DENND6A: variants seen among roughly 807,000 people sequenced by gnomAD.
DENND6A encodes protein DENND6A.
DENND6A carries 43 observed loss-of-function variants against 95.5 expected under a neutral mutation model. That is an observed-to-expected ratio of 0.45 (90% confidence interval 0.35 to 0.58). The LOEUF is 0.58. Among genes scored for constraint, DENND6A ranks in the 20% least tolerant of loss-of-function variants. DENND6A has a pLI of 0.00. For missense variants in DENND6A, 574 were observed against 736.0 expected (o/e 0.78, Z 2.55); for synonymous variants, 257 against 260.4 (o/e 0.99, Z 0.13).
intron 1 of DENND6A, among the ~76,000 whole-genome samples, chr3:57,689,994 T>G (rs1344357800): frequency 6.7e-6 from 1 of 149,674 alleles, no homozygotes; most frequent in African/African-American, 2.5e-5. Flanking sequence ...GAGGTTGTAG[T>G]GAGTTATGAT....
At position 57,684,973 on chromosome 3, in the gene DENND6A, GCA is replaced by G. The variant is rs759938320; in HGVS notation, c.237+7807_237+7808del. ...GGTGGCACACACCTGGAGTGCAATG[GCA>G]CAGTCTCGGCTCACTGCAACCTCCG... On this transcript the variant is annotated intron_variant, in intron 1 of 19. Transcript: ENST00000311128. Among the ~76,000 whole-genome samples the G allele has an allele frequency of 4.1e-4, 63 of 152,224 alleles. 1 individual carries two copies. In the Middle Eastern group the frequency reaches 0.02, roughly 49 times the overall value.
chr3:57,638,966 C>T (rs150961622), intron 12 of DENND6A, among the ~76,000 whole-genome samples: 4 of 152,146 alleles, frequency 2.6e-5, no homozygotes, highest in South Asian at 2.1e-4. Flanking sequence ...GGCGTGGTGG[C>T]GTGCACCTGT....
chr3:57,672,777 C>T (rs7629887), intron 1 of DENND6A, among the ~76,000 whole-genome samples: 5,675 of 151,584 alleles, frequency 0.037, 366 homozygotes, highest in African/African-American at 0.13. Context: ...AGCAAGACCC[C>T]GTCTCAAATC....
chr3:57,642,686 C>T (rs993757592), intron 11 of DENND6A, among the ~76,000 whole-genome samples: 4 of 151,810 alleles, frequency 2.6e-5, no homozygotes, highest in Admixed American at 2.0e-4. Context: ...GGAGGAATGC[C>T]GCATGAAAGA....
intron 5 of DENND6A, among the ~76,000 whole-genome samples, chr3:57,662,228 TCA>T (rs1377924016): frequency 6.9e-6 from 1 of 145,096 alleles, no homozygotes; most frequent in Non-Finnish European, 1.5e-5. Flanking sequence ...TCTCACTCTG[TCA>T]CCCAGGCTGC....
intron 8 of DENND6A, among the ~76,000 whole-genome samples, chr3:57,658,909 T>C (rs1224277574): frequency 6.6e-6 from 1 of 152,162 alleles, no homozygotes; most frequent in African/African-American, 2.4e-5. Flanking sequence ...TTCTGAGTTC[T>C]CCAGTCTCTA....
At chr3:57,671,529 C>CAA (rs903037390) in intron 3 of DENND6A, among the ~76,000 whole-genome samples, 1 of 115,134 alleles carries the variant, frequency 8.7e-6, no homozygotes, top group African/African-American at 3.2e-5. Context: ...GACTCCATCT[C>CAA]AAAAAAAAAA....
intron 1 of DENND6A, among the ~76,000 whole-genome samples, chr3:57,687,864 C>T (rs1249247822): frequency 6.8e-6 from 1 of 148,076 alleles, no homozygotes; most frequent in African/African-American, 2.5e-5. Flanking sequence ...GCCGAGAGTT[C>T]AAGGCTTCAG....
intron 1 of DENND6A, among the ~76,000 whole-genome samples, chr3:57,689,909 T>C (rs557587585): frequency 2.7e-5 from 4 of 148,088 alleles, no homozygotes; most frequent in Admixed American, 1.3e-4. Context: ...ACAAAAAAAA[T>C]TAAAAATAGC....
intron 4 of DENND6A, among the ~76,000 whole-genome samples, chr3:57,664,964 T>C (rs1481795831): frequency 6.6e-6 from 1 of 152,138 alleles, no homozygotes; most frequent in Non-Finnish European, 1.5e-5. Flanking sequence ...GAATTGGGAA[T>C]TGAAGGATGA....
intron 1 of DENND6A, among the ~76,000 whole-genome samples, chr3:57,678,144 C>T (rs989998827): frequency 6.6e-6 from 1 of 152,004 alleles, no homozygotes; most frequent in Admixed American, 6.6e-5. Flanking sequence ...GACTAAATAC[C>T]AAATTCTTTT....
intron 8 of DENND6A, 118 bp from the exon 9 acceptor site, chr3:57,657,853 T>G: frequency 1.0e-5 from 6 of 595,866 alleles, no homozygotes; most frequent in Non-Finnish European, 1.5e-5. Flanking sequence ...TAAGATTCTC[T>G]TCCTTTAGGA....
chr3:57,628,944 T>C (rs541693214), intron 18 of DENND6A, 59 bp from the exon 19 acceptor site: 1 of 1,460,054 alleles, frequency 6.8e-7, no homozygotes, highest in African/African-American at 1.4e-5. Context: ...AACCTCTCTA[T>C]TTCAATAGGT....
intron 11 of DENND6A, 95 bp from the exon 12 acceptor site, chr3:57,641,842 T>A: frequency 1.0e-6 from 1 of 983,788 alleles, no homozygotes; most frequent in Non-Finnish European, 1.5e-6. Context: ...CAATGAACAA[T>A]ACACAGATTG....
At chr3:57,685,289 A>T (rs4434122) in intron 1 of DENND6A, among the ~76,000 whole-genome samples, 25,649 of 151,804 alleles carry the variant, frequency 0.17, 2,719 homozygotes, top group East Asian at 0.48. Context: ...AAGTATCATT[A>T]AAAAAAATTG....
At chr3:57,654,256 G>A (rs1285926090) in intron 9 of DENND6A, among the ~76,000 whole-genome samples, 2 of 151,914 alleles carry the variant, frequency 1.3e-5, no homozygotes, top group Non-Finnish European at 2.9e-5. Flanking sequence ...TGCCCAGCCA[G>A]AAATTCACTT....
At chr3:57,635,653 G>A (rs1375143638) in intron 12 of DENND6A, among the ~76,000 whole-genome samples, 1 of 152,032 alleles carries the variant, frequency 6.6e-6, no homozygotes, top group Non-Finnish European at 1.5e-5. Flanking sequence ...TGCTAATTGT[G>A]GTATATCTGG....
intron 1 of DENND6A, among the ~76,000 whole-genome samples, chr3:57,686,422 C>T (rs2077212340): frequency 6.6e-6 from 1 of 152,116 alleles, no homozygotes. Flanking sequence ...CTTCCTTCTC[C>T]TTTTATTAAT....
chr3:57,675,788 T>C (rs2071698736), intron 1 of DENND6A, among the ~76,000 whole-genome samples: 2 of 152,214 alleles, frequency 1.3e-5, no homozygotes, highest in Non-Finnish European at 2.9e-5. Context: ...ACATAACATT[T>C]ATCAAAGTGA....
Sources: gnomAD v4.1 joint callset for allele counts (sites outside exome capture counted in the v4.1 genomes callset) on GRCh38, gnomAD v4.1.1 for gene constraint, MANE v1.5 for transcripts, NCBI Gene and HGNC (gene_info 2026-07-23, HGNC 2026-07-21) for gene names.